Variants in VASP observed in about 807,000 individuals in gnomAD.
VASP encodes the protein vasodilator stimulated phosphoprotein.
A neutral mutation model predicts 54.4 loss-of-function variants in VASP; 27 were observed. The ratio of observed to expected loss-of-function variants is 0.50; its 90% CI spans 0.37 to 0.68. The LOEUF (loss-of-function observed/expected upper bound fraction) is 0.68, where lower values mean the gene tolerates loss of function less well. Ranked by LOEUF, VASP falls within the 30% of genes least tolerant of loss-of-function variation. The pLI is 0.00. For missense variants in VASP, 488 were observed against 528.3 expected, an observed-to-expected ratio of 0.92 and a Z score of 0.75; for synonymous variants, 233 against 209.8, an observed-to-expected ratio of 1.11 and a Z score of -0.96.
At chr19:45,512,899 T>C (rs1048215523) in intron 1 of VASP, among the ~76,000 whole-genome samples, 1 of 151,754 alleles carries the variant, frequency 6.6e-6, no homozygotes, top group Admixed American at 6.6e-5. Flanking sequence ...GCACCCGACC[T>C]TTTTTTTGGT....
Position 45,517,700 on chromosome 19 carries a change from C to T in VASP, c.43C>T (p.Leu15Phe), listed in dbSNP as rs748897906. Reference sequence around the variant, plus strand: ...CTGTTCCAGCCGGGCCACTGTGATGCTTTATGATGATGGCAACAAGCGATG... The same window carrying T: ...CTGTTCCAGCCGGGCCACTGTGATGTTTTATGATGATGGCAACAAGCGATG... ...VICSSRATVM[L>F]YDDGNKRWLP... Residue 15 changes from leucine (L) to phenylalanine (F), a missense_variant, in exon 2 of 13, where the codon CTT becomes TTT. Transcript: ENST00000245932. The T allele has an allele frequency of 6.2e-7, 1 of 1,611,996 alleles. No individual in the cohort carries two copies. The highest frequency in any genetic ancestry group is 8.5e-7 in the Non-Finnish European group (1 of 1,180,006).
rs757316368 is a variant in VASP, at chr19:45,523,889, G to T, written c.910+12G>T. ...CCCGGCCCAGAGTGGTGAGTAGAGT[G>T]CCCAGTCCAGCCACAGGAACTACAA... On this transcript the variant is annotated intron_variant, in intron 9 of 12. Transcript: ENST00000245932. 1 of 1,613,462 alleles carries T rather than the reference G, an allele frequency of 6.2e-7. No homozygotes were observed. Among genetic ancestry groups the T allele is most frequent in the Non-Finnish European group, 8.5e-7 (1 of 1,179,866 alleles).
At position 45,524,151 on chromosome 19, in the gene VASP, T is replaced by A; in HGVS notation, c.956+9T>A. 2 of 1,613,072 alleles carry A rather than the reference T, an allele frequency of 1.2e-6. No individual in the cohort carries two copies. Among genetic ancestry groups the A allele is most frequent in the Non-Finnish European group, 1.7e-6 (2 of 1,179,978 alleles). On this transcript the variant is annotated intron_variant, in intron 10 of 12. Coordinates refer to ENST00000245932, the MANE Select transcript of VASP (RefSeq NM_003370.4). ...AGCACAACCTTGCCAAGGTAGGCCA[T>A]CGGTCCTGGGGCCCTTGGGGAGGTA...
intron 1 of VASP, among the ~76,000 whole-genome samples, chr19:45,508,220 C>T (rs1214101146): frequency 6.6e-6 from 1 of 152,162 alleles, no homozygotes; most frequent in Admixed American, 6.5e-5. Flanking sequence ...GACTCAGACC[C>T]TGGGTGTGCA....
At chr19:45,512,763 C>T (rs1968626152) in intron 1 of VASP, among the ~76,000 whole-genome samples, 1 of 151,896 alleles carries the variant, frequency 6.6e-6, no homozygotes, top group Non-Finnish European at 1.5e-5. Context: ...CCACGCCTGG[C>T]TAATTTTTTG....
rs1968513091 is a variant in VASP at position 45,507,666 on chromosome 19, G to A, written c.-106G>A. On this transcript the variant is annotated 5_prime_UTR_variant, in exon 1 of 13. Coordinates refer to ENST00000245932, the MANE Select transcript of VASP (RefSeq NM_003370.4). This position sits in a 1 kb window ranked among gnomAD's most constrained non-coding sequence, Gnocchi z 4.4. ...GGACTCTATGGGGCGGGACCCTGGG[G>A]GAGCCTGAGCCGAGCCCGGAGCCAG... 3.5e-6 allele frequency: 5 copies of A among 1,431,744 alleles called. No individual in the cohort carries two copies. Among genetic ancestry groups the A allele is most frequent in the Admixed American group, 2.1e-5 (1 of 48,298 alleles). The allele number at this position is 1,431,744 out of a possible 1,614,324, so 88.7% of individuals were successfully genotyped here. A position where few individuals can be genotyped will look rare whatever the true frequency, so the allele number is the denominator to read the frequency against.
At chr19:45,518,971 A>G (rs1968767168) in intron 3 of VASP, among the ~76,000 whole-genome samples, 1 of 152,092 alleles carries the variant, frequency 6.6e-6, no homozygotes, top group African/African-American at 2.4e-5. Context: ...AGCTGGGATT[A>G]CAGGCATGTG....
At position 45,522,198 on chromosome 19, in the gene VASP, G is replaced by A. The variant is rs758237185; in HGVS notation, c.459G>A (p.Glu153=). The A allele has an allele frequency of 1.9e-6, 3 of 1,614,174 alleles. No individual in the cohort carries two copies. The Admixed American group carries it at 5.0e-5, about 27-fold the overall frequency. The part of the protein sequence containing the change: ...RQQPGPSEHI[E]RRVSNAGGPP... ...AGCCCGGCCCGTCGGAGCACATAGA[G>A]CGCCGGGTCTCCAATGCAGGTGATG... Residue 153 remains glutamate (E), a synonymous_variant, in exon 5 of 13, where the codon GAG becomes GAA. Transcript: ENST00000245932.
In VASP at chr19:45,515,546, C is replaced by CT. The variant is rs1451408086; in HGVS notation, c.6-2109dup. 9.2e-5 allele frequency among the ~76,000 whole-genome samples: 14 copies of CT among 151,852 alleles called. No individual in the cohort carries two copies. The South Asian group carries it at 2.3e-3, about 25-fold the overall frequency. On this transcript the variant is annotated intron_variant, in intron 1 of 12. Transcript: ENST00000245932. ...CTGTACCAAGCACTTAGCTTTTTTT[C>CT]TTTTTTTTGAAACAGAGTTTCACTC...
chr19:45,524,338 G>A, intron 10 of VASP, 196 bp downstream of exon 10: 1 of 697,252 alleles, frequency 1.4e-6, no homozygotes, highest in Non-Finnish European at 2.5e-6. Flanking sequence ...GGAAGTTGAG[G>A]CCTCAGCGAG....
At chr19:45,523,189 A>ATTTTTTTTTTTTTTTTTTTTTTT in intron 7 of VASP, among the ~76,000 whole-genome samples, 1 of 106,968 alleles carries the variant, frequency 9.3e-6, no homozygotes, top group Non-Finnish European at 1.8e-5. Context: ...CAATCTCTTG[A>ATTTTTTTTTTTTTTTTTTTTTTT]ATTTTTTTTT....
rs1968909383 is a variant in VASP, at chr19:45,524,184, G to A, written c.956+42G>A. On this transcript the variant is annotated intron_variant, in intron 10 of 12. Coordinates refer to ENST00000245932, the MANE Select transcript of VASP (RefSeq NM_003370.4). ...GGGGCCCTTGGGGAGGTAAAGGCGG[G>A]CAGATCGCTTGAGCCCAGGAGGTCA... 3 of 1,611,046 alleles carry A rather than the reference G, an allele frequency of 1.9e-6. No individual in the cohort carries two copies. The East Asian group carries it at 6.7e-5, about 36-fold the overall frequency.
chr19:45,509,517 C>CCCACCACCACCACCACCA (rs3038808), intron 1 of VASP, among the ~76,000 whole-genome samples: 3 of 150,982 alleles, frequency 2.0e-5, no homozygotes, highest in East Asian at 2.0e-4. Flanking sequence ...CCCTGTCCTC[C>CCCACCACCACCACCACCA]CCACCACCAC....
chr19:45,516,474 T>C (rs1377852864), intron 1 of VASP, among the ~76,000 whole-genome samples: 1 of 151,788 alleles, frequency 6.6e-6, no homozygotes, highest in Non-Finnish European at 1.5e-5. Context: ...TGGAGGGGGG[T>C]GCGTAGAGAT....
At chr19:45,509,397 C>G (rs1054576549) in intron 1 of VASP, among the ~76,000 whole-genome samples, 11 of 152,186 alleles carry the variant, frequency 7.2e-5, no homozygotes, top group Non-Finnish European at 1.2e-4. Flanking sequence ...CTCCACCCCC[C>G]CTCGCGTTTC....
intron 1 of VASP, among the ~76,000 whole-genome samples, chr19:45,508,854 G>A (rs987309924): frequency 6.6e-6 from 1 of 152,204 alleles, no homozygotes; most frequent in Non-Finnish European, 1.5e-5. Context: ...TCTGGCCGGG[G>A]CCTCCCCCGA....
At chr19:45,513,883 A>C (rs1296393627) in intron 1 of VASP, among the ~76,000 whole-genome samples, 1 of 152,072 alleles carries the variant, frequency 6.6e-6, no homozygotes, top group East Asian at 1.9e-4. Context: ...CTTTTTTTAC[A>C]GATGTTTCGT....
At chr19:45,508,831 C>T (rs902715733) in intron 1 of VASP, among the ~76,000 whole-genome samples, 3 of 152,194 alleles carry the variant, frequency 2.0e-5, no homozygotes, top group African/African-American at 7.2e-5. Flanking sequence ...GCCCAAGGGA[C>T]CCAGGGATTT....
chr19:45,524,614 G>A lies in VASP; in HGVS notation c.1001G>A (p.Cys334Tyr). ...GTGACCACTTCCGAGACCCAACCCT[G>A]CACGCCCAGCTCCAGTGATTACTCG... The part of the protein sequence containing the change: ...SSVTTSETQP[C>Y]TPSSSDYSDL... The change falls in exon 11 of 13, where the codon TGC becomes TAC. Residue 334 changes from cysteine to tyrosine, a missense_variant. Physicochemically the swap from Cys to Tyr is radical, Grantham distance 194. Around this residue, in one of 4 missense-constraint regions of VASP, gnomAD observed 126 missense variants for 134.8 expected, o/e 0.94. Transcript: ENST00000245932. 1 of 1,613,910 alleles carries A rather than the reference G, an allele frequency of 6.2e-7. No individual in the cohort carries two copies.
Sources: allele counts gnomAD v4.1 joint callset (sites outside exome capture counted in the v4.1 genomes callset), GRCh38; gene constraint gnomAD v4.1.1; regional missense constraint gnomAD v4.1.1; non-coding constraint Gnocchi (gnomAD v3.1); transcripts MANE v1.5; gene names NCBI Gene and HGNC (gene_info 2026-07-23, HGNC 2026-07-21).